The following PRKD2 variants were observed in gnomAD, a reference collection of about 807,000 sequenced individuals.
The protein encoded by PRKD2 is protein kinase D2.
Under a neutral mutation model 86.0 loss-of-function variants are expected in PRKD2, and 22 were observed. The ratio of observed to expected loss-of-function variants is 0.26; its 90% CI spans 0.18 to 0.37. The LOEUF (loss-of-function observed/expected upper bound fraction) is 0.37. Among genes scored for constraint, PRKD2 ranks in the 10% least tolerant of loss-of-function variants. The pLI is 1.00. For synonymous variants in PRKD2, 509 were observed against 510.9 expected (o/e 1.00, Z 0.05); for missense variants, 818 against 1,199.2 (o/e 0.68, Z 4.70).
Position 46,716,428 on chromosome 19 carries a change from C to G in PRKD2, c.-58G>C. On this transcript the variant is annotated 5_prime_UTR_variant, in exon 1 of 18. Coordinates refer to ENST00000291281, the MANE Select transcript of PRKD2 (RefSeq NM_016457.5). The surrounding 1 kb of genome is among the most constrained non-coding windows in gnomAD (Gnocchi z 7.9). ...CACCCGGGACCCGGCCGGGGGGCCC[C>G]GGGGGACCCTGGGTTCTAGATCCGC... 8.8e-7 allele frequency: 1 copy of G among 1,132,982 alleles called. No homozygotes were observed. Among genetic ancestry groups the G allele is most frequent in the Non-Finnish European group, 1.2e-6 (1 of 843,434 alleles). The allele number at this position is 1,132,982 out of a possible 1,614,324, so 70.2% of individuals were successfully genotyped here. A position where few individuals can be genotyped will look rare whatever the true frequency, so the allele number is the denominator to read the frequency against.
chr19:46,690,805 A>G (rs563614861), intron 12 of PRKD2, 99 bp from the exon 13 acceptor site: 14 of 1,096,610 alleles, frequency 1.3e-5, no homozygotes, highest in Non-Finnish European at 1.9e-5. Flanking sequence ...CCCACCATGG[A>G]GACAGCCAGA....
intron 3 of PRKD2, among the ~76,000 whole-genome samples, chr19:46,705,397 G>C (rs2053700222): frequency 6.8e-6 from 1 of 148,122 alleles, no homozygotes; most frequent in South Asian, 2.1e-4. Flanking sequence ...CCACCCCTAA[G>C]GTCACTATCC....
At chr19:46,691,636 A>G in intron 12 of PRKD2, 99 bp downstream of exon 12, 3 of 1,208,390 alleles carry the variant, frequency 2.5e-6, no homozygotes. Context: ...CATGTGACCA[A>G]TCAGAAAGGA....
chr19:46,707,743 C>T (rs530388041), intron 3 of PRKD2, among the ~76,000 whole-genome samples: 6 of 152,278 alleles, frequency 3.9e-5, no homozygotes, highest in African/African-American at 1.2e-4. Context: ...ATAACAGGGA[C>T]AGAGGACCTA....
At chr19:46,681,615 T>G in intron 15 of PRKD2, 35 bp downstream of exon 15, 1 of 671,194 alleles carries the variant, frequency 1.5e-6, no homozygotes, top group Non-Finnish European at 2.5e-6. Flanking sequence ...CAGTGTTGCC[T>G]GGATTTCCCC....
intron 5 of PRKD2, among the ~76,000 whole-genome samples, chr19:46,702,686 A>ATT (rs201090562): frequency 2.0e-5 from 3 of 147,932 alleles, no homozygotes; most frequent in East Asian, 2.0e-4. Flanking sequence ...AGGTTCTAGA[A>ATT]TTTTTTTTTT....
At chr19:46,674,865 T>G in intron 17 of PRKD2, 130 bp from the exon 18 acceptor site, 3 of 1,193,558 alleles carry the variant, frequency 2.5e-6, no homozygotes, top group Non-Finnish European at 3.5e-6. Flanking sequence ...ACCCAGCCAG[T>G]AGACATTTAG....
chr19:46,711,092 C>A, intron 2 of PRKD2, 54 bp from the exon 3 acceptor site: 1 of 1,526,810 alleles, frequency 6.5e-7, no homozygotes, highest in South Asian at 1.2e-5. Flanking sequence ...CAAAGCTTTT[C>A]CAGACCCCAC....
rs2053883395 is a variant in PRKD2 at position 46,716,521 on chromosome 19, G to A, written c.-151C>T. The A allele has an allele frequency of 2.0e-6, 1 of 506,480 alleles. No individual in the cohort carries two copies. Among genetic ancestry groups the A allele is most frequent in the Non-Finnish European group, 3.4e-6 (1 of 291,958 alleles). 31.4% of individuals were successfully genotyped at this position (506,480 alleles called of 1,614,324 possible). A position where few individuals can be genotyped will look rare whatever the true frequency, so the allele number is the denominator to read the frequency against. On this transcript the variant is annotated 5_prime_UTR_variant, in exon 1 of 18. Coordinates refer to ENST00000291281, the MANE Select transcript of PRKD2 (RefSeq NM_016457.5). This position sits in a 1 kb window ranked among gnomAD's most constrained non-coding sequence, Gnocchi z 7.9. The stretch of plus-strand genomic sequence containing the variant: ...AAGATCTGGCAGGCGGAGGGGACCT[G>A]AGGATGGCGGGGTCCTGGGAAGGAG...
At chr19:46,703,085 A>G (rs2053656942) in intron 5 of PRKD2, among the ~76,000 whole-genome samples, 1 of 152,168 alleles carries the variant, frequency 6.6e-6, no homozygotes, top group Non-Finnish European at 1.5e-5. Context: ...TAGACGTCTA[A>G]GACTCTCAAA....
intron 16 of PRKD2, chr19:46,677,366 C>T (rs2053223935): frequency 2.0e-5 from 3 of 152,350 alleles, no homozygotes; most frequent in Admixed American, 6.6e-5. Flanking sequence ...ACATCGTGGG[C>T]ACTCAACATG....
intron 2 of PRKD2, among the ~76,000 whole-genome samples, chr19:46,712,263 G>A (rs1425121531): frequency 3.4e-5 from 5 of 148,344 alleles, no homozygotes; most frequent in East Asian, 2.1e-4. Context: ...TAACAGGGCC[G>A]GGAGCGGTGG....
chr19:46,680,434 T>A (rs908534870), intron 15 of PRKD2, among the ~76,000 whole-genome samples: 2 of 151,580 alleles, frequency 1.3e-5, no homozygotes, highest in Non-Finnish European at 2.9e-5. Flanking sequence ...GATTACAGGT[T>A]CCCGCCACCA....
At chr19:46,701,652 C>T (rs2053636894) in intron 5 of PRKD2, among the ~76,000 whole-genome samples, 1 of 145,454 alleles carries the variant, frequency 6.9e-6, no homozygotes, top group Non-Finnish European at 1.5e-5. Context: ...CCGCGCCCGA[C>T]TTGTGTGTGT....
chr19:46,677,880 T>G (rs2053233642), intron 16 of PRKD2, among the ~76,000 whole-genome samples: 1 of 152,126 alleles, frequency 6.6e-6, no homozygotes. Flanking sequence ...ACCCCAGGCT[T>G]CAGGCCCATC....
intron 7 of PRKD2, among the ~76,000 whole-genome samples, chr19:46,700,228 C>T (rs779304072): frequency 6.6e-5 from 10 of 151,866 alleles, no homozygotes; most frequent in African/African-American, 7.3e-5. Flanking sequence ...AAGAGCGAAA[C>T]GCCGTCTAAA....
At chr19:46,709,917 CAGA>C (rs1379672694) in intron 3 of PRKD2, among the ~76,000 whole-genome samples, 2 of 151,440 alleles carry the variant, frequency 1.3e-5, no homozygotes, top group Admixed American at 6.6e-5. Flanking sequence ...TTTCTGTTTT[CAGA>C]AGGAGTCTCA....
chr19:46,705,344 T>C (rs1284886776), intron 3 of PRKD2, among the ~76,000 whole-genome samples: 2 of 151,574 alleles, frequency 1.3e-5, no homozygotes, highest in Non-Finnish European at 1.5e-5. Context: ...TCCCCCTCTT[T>C]CCCCAACCCC....
intron 1 of PRKD2, among the ~76,000 whole-genome samples, chr19:46,715,714 C>T (rs926259419): frequency 6.6e-6 from 1 of 151,912 alleles, no homozygotes; most frequent in Admixed American, 6.5e-5. Flanking sequence ...CAAGCACCTG[C>T]ACCCACACAT....
Sources: allele counts gnomAD v4.1 joint callset (sites outside exome capture counted in the v4.1 genomes callset), GRCh38; gene constraint gnomAD v4.1.1; non-coding constraint Gnocchi (gnomAD v3.1); transcripts MANE v1.5; gene names NCBI Gene and HGNC (gene_info 2026-07-23, HGNC 2026-07-21).